QTMAN: variants seen among roughly 807,000 people sequenced by gnomAD.
QTMAN encodes the protein queuosine-tRNA mannosyltransferase.
chr2:144,069,370 T>G, the QTMAN span, among the ~76,000 whole-genome samples: 1 of 152,030 alleles, frequency 6.6e-6, no homozygotes, highest in East Asian at 1.9e-4. Context: ...ATCTCTATTT[T>G]CTGAAATAAA....
chr2:144,276,732 A>G, the QTMAN span, among the ~76,000 whole-genome samples: 1 of 152,200 alleles, frequency 6.6e-6, no homozygotes, highest in South Asian at 2.1e-4. Context: ...ATACACCATC[A>G]AGAACTGGTT....
the QTMAN span, among the ~76,000 whole-genome samples, chr2:144,287,486 T>C: frequency 2.6e-5 from 4 of 151,638 alleles, no homozygotes; most frequent in East Asian, 7.8e-4. Context: ...GAACATAATA[T>C]GTTCTTTGAT....
chr2:144,070,707 C>A, the QTMAN span, among the ~76,000 whole-genome samples: 2 of 152,070 alleles, frequency 1.3e-5, no homozygotes, highest in Non-Finnish European at 2.9e-5. Flanking sequence ...GTATTAAAGT[C>A]AATCTTTTTC....
the QTMAN span, among the ~76,000 whole-genome samples, chr2:144,307,238 A>G: frequency 1.8e-4 from 27 of 149,376 alleles, no homozygotes; most frequent in African/African-American, 6.4e-4. Flanking sequence ...GATGGCAAAA[A>G]AAAATATGAA....
chr2:144,195,579 G>A, the QTMAN span, among the ~76,000 whole-genome samples: 1 of 152,056 alleles, frequency 6.6e-6, no homozygotes, highest in African/African-American at 2.4e-5. Context: ...AAGCCTGAAG[G>A]TTTCTCAGGC....
At chr2:143,971,373 A>G in the QTMAN span, among the ~76,000 whole-genome samples, 1 of 152,190 alleles carries the variant, frequency 6.6e-6, no homozygotes, top group Non-Finnish European at 1.5e-5. Flanking sequence ...ATGTCCGCTG[A>G]GTATTAACTT....
At chr2:144,150,779 T>C in the QTMAN span, among the ~76,000 whole-genome samples, 2 of 152,124 alleles carry the variant, frequency 1.3e-5, no homozygotes, top group East Asian at 1.9e-4. Flanking sequence ...ACATTCACTA[T>C]GGAAAATGTT....
chr2:144,060,166 G>C, the QTMAN span, among the ~76,000 whole-genome samples: 11 of 151,788 alleles, frequency 7.2e-5, no homozygotes, highest in Non-Finnish European at 1.2e-4. Flanking sequence ...AAAAGTCTGA[G>C]TACAATGAAT....
the QTMAN span, among the ~76,000 whole-genome samples, chr2:144,034,941 T>C: frequency 5.3e-5 from 8 of 152,234 alleles, no homozygotes; most frequent in African/African-American, 1.9e-4. Context: ...ACCATCTTGA[T>C]GTATTGCTTA....
chr2:144,037,057 C>T, the QTMAN span, among the ~76,000 whole-genome samples: 1 of 152,044 alleles, frequency 6.6e-6, no homozygotes, highest in African/African-American at 2.4e-5. Context: ...TATACGAATA[C>T]ATAAATCCAA....
chr2:144,286,882 AT>A, the QTMAN span, among the ~76,000 whole-genome samples: 1 of 152,212 alleles, frequency 6.6e-6, no homozygotes, highest in Non-Finnish European at 1.5e-5. Flanking sequence ...TTTGACTTTC[AT>A]TATTTTTTTA....
chr2:144,012,967 G>C, the QTMAN span, among the ~76,000 whole-genome samples: 1 of 151,988 alleles, frequency 6.6e-6, no homozygotes, highest in Non-Finnish European at 1.5e-5. Context: ...TTCTAGCTCG[G>C]GTTTGGGGGA....
chr2:144,304,758 A>G, the QTMAN span, among the ~76,000 whole-genome samples: 1 of 152,244 alleles, frequency 6.6e-6, no homozygotes, highest in Non-Finnish European at 1.5e-5. Context: ...AATAATAAAT[A>G]AAAGCTATTT....
At chr2:144,144,870 G>A in the QTMAN span, among the ~76,000 whole-genome samples, 1 of 151,964 alleles carries the variant, frequency 6.6e-6, no homozygotes, top group Admixed American at 6.6e-5. Context: ...AACAGATTCC[G>A]TTTGACTGTT....
At chr2:144,028,224 T>C in the QTMAN span, among the ~76,000 whole-genome samples, 1 of 152,146 alleles carries the variant, frequency 6.6e-6, no homozygotes, top group African/African-American at 2.4e-5. Flanking sequence ...ACATAGACTG[T>C]TGAGAGGGTA....
chr2:144,011,918 T>C, the QTMAN span: 1 of 163,852 alleles, frequency 6.1e-6, no homozygotes, highest in African/African-American at 2.4e-5. Context: ...CATTTAATAA[T>C]TTCCCCATTT....
the QTMAN span, among the ~76,000 whole-genome samples, chr2:144,194,792 T>C: frequency 1.3e-5 from 2 of 152,234 alleles, no homozygotes. Context: ...TATCCAAAAT[T>C]GCAAATATGG....
At chr2:144,167,155 A>G in the QTMAN span, among the ~76,000 whole-genome samples, 1 of 152,156 alleles carries the variant, frequency 6.6e-6, no homozygotes, top group Admixed American at 6.6e-5. Flanking sequence ...TAGATGTTTG[A>G]TAAGTATTAA....
the QTMAN span, among the ~76,000 whole-genome samples, chr2:144,254,165 T>C: frequency 6.6e-6 from 1 of 152,210 alleles, no homozygotes. Context: ...CTCATGCCTG[T>C]AATCCCAGCA....
Sources: allele counts gnomAD v4.1 joint callset (sites outside exome capture counted in the v4.1 genomes callset), GRCh38; gene constraint gnomAD v4.1.1; transcripts MANE v1.5; gene names NCBI Gene and HGNC (gene_info 2026-07-23, HGNC 2026-07-21).